The following TMEM178B variants were observed in gnomAD, a reference collection of about 807,000 sequenced individuals.
TMEM178B encodes the protein transmembrane protein 178B.
TMEM178B carries 5 observed loss-of-function variants against 31.0 expected under a neutral mutation model. The observed-to-expected ratio is 0.16, with a 90% CI of 0.08 to 0.34. TMEM178B has a LOEUF of 0.34. Ranked by LOEUF, TMEM178B falls within the 10% of genes least tolerant of loss-of-function variation. The pLI is 1.00. For missense variants in TMEM178B, 275 were observed against 400.3 expected, an observed-to-expected ratio of 0.69 and a Z score of 2.67; for synonymous variants, 164 against 164.0, an observed-to-expected ratio of 1.00 and a Z score of 0.00.
At chr7:141,229,847 G>A (rs1343855753) in intron 2 of TMEM178B, among the ~76,000 whole-genome samples, 1 of 152,126 alleles carries the variant, frequency 6.6e-6, no homozygotes, top group East Asian at 1.9e-4. Flanking sequence ...CGGTACACCA[G>A]CCTGGGCCAC....
chr7:141,199,322 T>C (rs952189995), intron 1 of TMEM178B, among the ~76,000 whole-genome samples: 4 of 152,242 alleles, frequency 2.6e-5, no homozygotes, highest in Non-Finnish European at 5.9e-5. Context: ...AATTGCGGTT[T>C]CTGCCATTAG....
At chr7:141,451,056 C>T (rs892736314) in intron 3 of TMEM178B, among the ~76,000 whole-genome samples, 14 of 152,174 alleles carry the variant, frequency 9.2e-5, no homozygotes, top group African/African-American at 3.4e-4. Context: ...TCCTCCACTC[C>T]CACCAGCAAG....
rs961225462 is a variant in TMEM178B at position 141,263,868 on chromosome 7, A to C, written c.496+51164A>C. ...TGTAGAAGGATGCATAGAATGTACC[A>C]AAAGTGTTTATTACATGGTACAGTT... On this transcript the variant is annotated intron_variant, in intron 2 of 3. Coordinates refer to ENST00000565468, the MANE Select transcript of TMEM178B (RefSeq NM_001195278.2). Among the ~76,000 whole-genome samples, 2 of 152,224 alleles carry C rather than the reference A, an allele frequency of 1.3e-5. 1 individual carries two copies. Among genetic ancestry groups the C allele is most frequent in the Non-Finnish European group, 2.9e-5 (2 of 68,046 alleles).
intron 2 of TMEM178B, among the ~76,000 whole-genome samples, chr7:141,382,740 G>A (rs1451363786): frequency 6.6e-6 from 1 of 152,128 alleles, no homozygotes; most frequent in Non-Finnish European, 1.5e-5. Flanking sequence ...TAATGACAAA[G>A]AGAAAACAAC....
In TMEM178B at chr7:141,424,669, C is replaced by G. The variant is rs866702975; in HGVS notation, c.497-12939C>G. Among the ~76,000 whole-genome samples the G allele has an allele frequency of 2.0e-5, 3 of 152,196 alleles. No individual in the cohort carries two copies. The South Asian group carries it at 6.2e-4, about 32-fold the overall frequency. On this transcript the variant is annotated intron_variant, in intron 2 of 3. Transcript: ENST00000565468. Reference sequence around the variant, plus strand: ...AAACAAAACCCAAAATATCACAACCCAAAAAAGCCTCCCTGTTAACATTTG... The same window carrying G: ...AAACAAAACCCAAAATATCACAACCGAAAAAAGCCTCCCTGTTAACATTTG...
chr7:141,303,635 C>G (rs942223759), intron 2 of TMEM178B, among the ~76,000 whole-genome samples: 5 of 152,152 alleles, frequency 3.3e-5, no homozygotes, highest in African/African-American at 1.2e-4. Flanking sequence ...ACAACACGTG[C>G]AACCAGGTTT....
At chr7:141,326,486 G>T (rs1248316520) in intron 2 of TMEM178B, among the ~76,000 whole-genome samples, 1 of 152,186 alleles carries the variant, frequency 6.6e-6, no homozygotes, top group African/African-American at 2.4e-5. Context: ...ATGATTGCTT[G>T]TAGTGCCTAT....
At chr7:141,093,042 A>G (rs1016357787) in intron 1 of TMEM178B, among the ~76,000 whole-genome samples, 6 of 152,198 alleles carry the variant, frequency 3.9e-5, no homozygotes, top group Non-Finnish European at 8.8e-5. Context: ...TTAAAGATCC[A>G]TGTTACGTAG....
At chr7:141,319,548 ACTTT>A (rs1367574116) in intron 2 of TMEM178B, among the ~76,000 whole-genome samples, 1 of 152,024 alleles carries the variant, frequency 6.6e-6, no homozygotes, top group South Asian at 2.1e-4. Flanking sequence ...TGTATTCTTT[ACTTT>A]CTTTCTTTCT....
chr7:141,271,505 G>C (rs1798182893), intron 2 of TMEM178B, among the ~76,000 whole-genome samples: 1 of 152,150 alleles, frequency 6.6e-6, no homozygotes, highest in South Asian at 2.1e-4. Context: ...CCAGTGCATA[G>C]GAAGAGTCTG....
chr7:141,455,788 T>G (rs1586972672), intron 3 of TMEM178B, among the ~76,000 whole-genome samples: 1 of 152,240 alleles, frequency 6.6e-6, no homozygotes, highest in African/African-American at 2.4e-5. Context: ...CAAAATTCAC[T>G]TGGGTTTAGG....
intron 1 of TMEM178B, among the ~76,000 whole-genome samples, chr7:141,096,639 T>A (rs1794964969): frequency 6.6e-6 from 1 of 152,210 alleles, no homozygotes; most frequent in South Asian, 2.1e-4. Context: ...ACCCCTTCCC[T>A]TATACTGCAC....
At chr7:141,352,868 A>C (rs1799758893) in intron 2 of TMEM178B, 1 of 152,240 alleles carries the variant, frequency 6.6e-6, no homozygotes, top group Non-Finnish European at 1.5e-5. Context: ...AGACTTGAGA[A>C]CAACACGATT....
intron 1 of TMEM178B, among the ~76,000 whole-genome samples, chr7:141,181,559 T>C (rs1452989056): frequency 2.0e-5 from 3 of 152,250 alleles, no homozygotes; most frequent in African/African-American, 7.2e-5. Context: ...GGTTATATCC[T>C]GTGCCCTAGT....
intron 2 of TMEM178B, among the ~76,000 whole-genome samples, chr7:141,388,563 C>G (rs1586928101): frequency 6.6e-6 from 1 of 152,190 alleles, no homozygotes; most frequent in East Asian, 1.9e-4. Context: ...CCCATTCCTG[C>G]CCGTCAGAAG....
At chr7:141,359,181 T>C (rs988319468) in intron 2 of TMEM178B, among the ~76,000 whole-genome samples, 31 of 152,340 alleles carry the variant, frequency 2.0e-4, no homozygotes, top group Admixed American at 1.8e-3. Context: ...AAAAAATACC[T>C]TTTCACTCAG....
intron 2 of TMEM178B, among the ~76,000 whole-genome samples, chr7:141,412,400 T>C (rs953931057): frequency 1.3e-5 from 2 of 152,206 alleles, no homozygotes; most frequent in Non-Finnish European, 2.9e-5. Flanking sequence ...AAGAGCCTGC[T>C]CTAAAGGTGA....
intron 2 of TMEM178B, among the ~76,000 whole-genome samples, chr7:141,364,423 G>A (rs552284562): frequency 6.6e-6 from 1 of 152,256 alleles, no homozygotes; most frequent in East Asian, 1.9e-4. Context: ...CACTTTGGGA[G>A]GCCAAGGTGG....
In TMEM178B at chr7:141,340,687, A is replaced by T. The variant is rs530832908; in HGVS notation, c.497-96921A>T. On this transcript the variant is annotated intron_variant, in intron 2 of 3. Transcript: ENST00000565468. ...ACATCAGGAGCAGTGCAACAGAAAA[A>T]CACTAAAGTAAAAAGTAAAAGGAAA... Among the ~76,000 whole-genome samples the T allele has an allele frequency of 5.3e-4, 80 of 152,334 alleles. No individual in the cohort carries two copies. In the South Asian group the frequency reaches 0.016, roughly 31 times the overall value.
Sources: gnomAD v4.1 joint callset for allele counts (sites outside exome capture counted in the v4.1 genomes callset) on GRCh38, gnomAD v4.1.1 for gene constraint, MANE v1.5 for transcripts, NCBI Gene and HGNC (gene_info 2026-07-23, HGNC 2026-07-21) for gene names.